The following PPHLN1 variants were observed in gnomAD, a reference collection of about 807,000 sequenced individuals.
The protein encoded by PPHLN1 is periphilin 1.
In PPHLN1, 29 loss-of-function variants were observed where a neutral mutation model predicts 51.3. That is an observed-to-expected ratio of 0.57 (90% CI 0.42 to 0.77). The LOEUF (loss-of-function observed/expected upper bound fraction) is 0.77, where lower values mean the gene tolerates loss of function less well. Ranked by LOEUF, PPHLN1 falls within the 30% of genes least tolerant of loss-of-function variation. PPHLN1 has a pLI of 0.00. For missense variants in PPHLN1, 436 were observed against 438.4 expected, an observed-to-expected ratio of 0.99 and a Z score of 0.05; for synonymous variants, 147 against 147.8, an observed-to-expected ratio of 0.99 and a Z score of 0.04.
chr12:42,334,044 G>A (rs532494395), intron 1 of PPHLN1, among the ~76,000 whole-genome samples: 1 of 152,080 alleles, frequency 6.6e-6, no homozygotes, highest in South Asian at 2.1e-4. Context: ...TTACTTCATT[G>A]CTGTTACTAT....
At chr12:42,412,854 G>A (rs1482058886) in intron 9 of PPHLN1, among the ~76,000 whole-genome samples, 1 of 151,878 alleles carries the variant, frequency 6.6e-6, no homozygotes, top group Non-Finnish European at 1.5e-5. Context: ...GTTTTAATTT[G>A]CATTTCTCTG....
At chr12:42,338,118 G>A (rs1159289200) in intron 2 of PPHLN1, among the ~76,000 whole-genome samples, 1 of 152,222 alleles carries the variant, frequency 6.6e-6, no homozygotes, top group African/African-American at 2.4e-5. Flanking sequence ...GTAGGGACAG[G>A]GTTTTGCCGT....
chr12:42,367,955 G>A (rs2075431109), intron 4 of PPHLN1, among the ~76,000 whole-genome samples: 1 of 152,088 alleles, frequency 6.6e-6, no homozygotes, highest in South Asian at 2.1e-4. Context: ...GGCTGGTGTC[G>A]AACTCCTTGA....
intron 9 of PPHLN1, among the ~76,000 whole-genome samples, chr12:42,438,006 T>C (rs112929059): frequency 2.0e-5 from 3 of 152,348 alleles, no homozygotes; most frequent in African/African-American, 4.8e-5. Flanking sequence ...TGTGGCTTGA[T>C]AGCTCATTTC....
chr12:42,444,984 AC>A, downstream of PPHLN1: 1 of 691,520 alleles, frequency 1.4e-6, no homozygotes, highest in Middle Eastern at 2.3e-4. Flanking sequence ...GGCCCTAGAA[AC>A]TTTTTCTGTT....
chr12:42,406,999 A>C (rs1300408715), intron 9 of PPHLN1, among the ~76,000 whole-genome samples: 1 of 152,208 alleles, frequency 6.6e-6, no homozygotes, highest in East Asian at 1.9e-4. Context: ...CCTGAGTTAT[A>C]AGACATCCAT....
intron 4 of PPHLN1, among the ~76,000 whole-genome samples, chr12:42,356,168 C>T (rs1011475077): frequency 1.3e-5 from 2 of 152,178 alleles, no homozygotes; most frequent in African/African-American, 4.8e-5. Flanking sequence ...AAAATAACCC[C>T]AGTCTCATAG....
chr12:42,377,428 C>T (rs2138835101), intron 5 of PPHLN1, among the ~76,000 whole-genome samples: 1 of 151,614 alleles, frequency 6.6e-6, no homozygotes, highest in South Asian at 2.1e-4. Context: ...GCCTCAGTCT[C>T]CTGAGTAGTT....
At chr12:42,355,262 T>C in intron 4 of PPHLN1, 40 bp downstream of exon 4, 1 of 1,517,598 alleles carries the variant, frequency 6.6e-7, no homozygotes, top group Non-Finnish European at 9.2e-7. Flanking sequence ...CTTTGATACT[T>C]GACTCACTGT....
chr12:42,448,238 A>G (rs1433992772), downstream of PPHLN1: 1 of 152,670 alleles, frequency 6.6e-6, no homozygotes, highest in Non-Finnish European at 1.5e-5. Flanking sequence ...GTATTTAAAT[A>G]TAGGTACAAC....
chr12:42,346,817 T>C (rs966721447), intron 2 of PPHLN1, among the ~76,000 whole-genome samples: 1 of 152,126 alleles, frequency 6.6e-6, no homozygotes, highest in Non-Finnish European at 1.5e-5. Context: ...CTCATAGTGG[T>C]TTTAATTTGC....
intron 4 of PPHLN1, among the ~76,000 whole-genome samples, chr12:42,364,022 G>C (rs576539604): frequency 7.9e-5 from 12 of 152,092 alleles, no homozygotes; most frequent in African/African-American, 2.9e-4. Flanking sequence ...CCAGGAGTTT[G>C]AGACCAGCCT....
downstream of PPHLN1, chr12:42,445,995 A>T (rs749889552): frequency 1.3e-6 from 2 of 1,520,462 alleles, no homozygotes; most frequent in Non-Finnish European, 1.8e-6. Context: ...TTCCAGCACG[A>T]CGCATCAAAC....
chr12:42,405,226 A>G (rs2079188100), intron 9 of PPHLN1, among the ~76,000 whole-genome samples: 1 of 152,104 alleles, frequency 6.6e-6, no homozygotes, highest in South Asian at 2.1e-4. Context: ...TTGTTCTCAT[A>G]CTTTCCCCTT....
At chr12:42,329,400 C>G (rs532280306) in intron 1 of PPHLN1, among the ~76,000 whole-genome samples, 1 of 152,096 alleles carries the variant, frequency 6.6e-6, no homozygotes, top group Non-Finnish European at 1.5e-5. Context: ...CCACCGCGCC[C>G]GGCCTGGAAT....
intron 4 of PPHLN1, among the ~76,000 whole-genome samples, chr12:42,371,985 C>T (rs1404544672): frequency 1.3e-5 from 2 of 152,048 alleles, no homozygotes; most frequent in African/African-American, 2.4e-5. Flanking sequence ...ACAAAGTTAC[C>T]TTTGTAGCTT....
intron 5 of PPHLN1, among the ~76,000 whole-genome samples, chr12:42,382,453 A>G (rs1344667777): frequency 6.6e-6 from 1 of 152,070 alleles, no homozygotes; most frequent in Non-Finnish European, 1.5e-5. Context: ...TGCAAGTCAC[A>G]ACAAAGGCAG....
At chr12:42,446,173 G>C, downstream of PPHLN1, 1 of 1,608,918 alleles carries the variant, frequency 6.2e-7, no homozygotes, top group Non-Finnish European at 8.5e-7. Context: ...TTACCTGGGG[G>C]ATGCTGAAGA....
intron 3 of PPHLN1, among the ~76,000 whole-genome samples, chr12:42,353,156 G>T (rs115905201): frequency 6.7e-4 from 102 of 152,036 alleles, no homozygotes; most frequent in African/African-American, 2.2e-3. Context: ...TCTTAATAAT[G>T]TAGAAGTATG....
Sources: gnomAD v4.1 joint callset for allele counts (sites outside exome capture counted in the v4.1 genomes callset) on GRCh38, gnomAD v4.1.1 for gene constraint, MANE v1.5 for transcripts, NCBI Gene and HGNC (gene_info 2026-07-23, HGNC 2026-07-21) for gene names.